Variants in TRAPPC12 observed in about 807,000 individuals in gnomAD.
The protein encoded by TRAPPC12 is trafficking protein particle complex subunit 12.
Under a neutral mutation model 69.2 loss-of-function variants are expected in TRAPPC12, and 61 were observed. The observed-to-expected ratio is 0.88, with a 90% CI of 0.72 to 1.09. TRAPPC12 has a LOEUF of 1.09. Among genes scored for constraint, TRAPPC12 ranks in the 50% least tolerant of loss-of-function variants. The pLI is 0.00. For synonymous variants in TRAPPC12, 469 were observed against 438.9 expected, an observed-to-expected ratio of 1.07 and a Z score of -0.86; for missense variants, 1,101 against 1,016.4, an observed-to-expected ratio of 1.08 and a Z score of -1.13.
At position 3,479,272 on chromosome 2, in the gene TRAPPC12, C is replaced by T. The variant is rs1572218135; in HGVS notation, c.2019C>T (p.Ser673=). 6.2e-7 allele frequency: 1 copy of T among 1,614,054 alleles called. No individual in the cohort carries two copies. Among genetic ancestry groups the T allele is most frequent in the Non-Finnish European group, 8.5e-7 (1 of 1,180,044 alleles). ...TCTACCTGGGCAAGCTCAAGGACTC[C>T]CTGCGGCAGCTGGAGGCCATGGTCC... ...CLLYLGKLKD[S]LRQLEAMVQQ... Residue 673 remains serine, a synonymous_variant, in exon 12 of 12, where the codon TCC becomes TCT. Coordinates refer to ENST00000324266, the MANE Select transcript of TRAPPC12 (RefSeq NM_016030.6).
In TRAPPC12 at chr2:3,452,048, A is replaced by G. The variant is rs1215926158; in HGVS notation, c.1531-5573A>G. On this transcript the variant is annotated intron_variant, in intron 6 of 11. Coordinates refer to ENST00000324266, the MANE Select transcript of TRAPPC12 (RefSeq NM_016030.6). ...TATTTCTGTGGGTCTCGAGTCCAGC[A>G]CAGCTTCTGGGTCGCACTGGCTCAG... Among the ~76,000 whole-genome samples the G allele has an allele frequency of 2.6e-5, 4 of 152,186 alleles. No homozygotes were observed. In the East Asian group the frequency reaches 7.7e-4, roughly 29 times the overall value.
In TRAPPC12 at chr2:3,383,871, G is replaced by GTTTTTTTT. The variant is rs34956958; in HGVS notation, c.-4-3715_-4-3708dup. Among the ~76,000 whole-genome samples the GTTTTTTTT allele has an allele frequency of 1.4e-3, 122 of 85,580 alleles. 10 individuals carry two copies. Among genetic ancestry groups the GTTTTTTTT allele is most frequent in the Non-Finnish European group, 2.2e-3 (94 of 42,892 alleles). The allele number at this position is 85,580 out of a possible 152,430, so 56.1% of individuals were successfully genotyped here. On this transcript the variant is annotated intron_variant, in intron 1 of 11. Transcript: ENST00000324266. ...TATTCCCTTGTGATAGTTCAGTCTTGTTTTTTTTTTTTTTTTTTTTTTTTT... is the reference window on the plus strand; with the variant it reads ...TATTCCCTTGTGATAGTTCAGTCTTGTTTTTTTTTTTTTTTTTTTTTTTTTTTTTTTTT...
chr2:3,466,688 G>A (rs1315724857), intron 9 of TRAPPC12, among the ~76,000 whole-genome samples: 1 of 152,172 alleles, frequency 6.6e-6, no homozygotes, highest in Admixed American at 6.5e-5. Context: ...TGGGACACCA[G>A]ATAGTGTTGG....
intron 9 of TRAPPC12, among the ~76,000 whole-genome samples, chr2:3,476,082 C>T (rs535700538): frequency 5.9e-5 from 9 of 152,318 alleles, no homozygotes; most frequent in African/African-American, 1.7e-4. Context: ...GGACTTCAAA[C>T]GGCTTCGGAC....
At chr2:3,465,875 A>AGGCC in intron 9 of TRAPPC12, 180 bp downstream of exon 9, 2 of 599,816 alleles carry the variant, frequency 3.3e-6, no homozygotes, top group Non-Finnish European at 5.9e-6. Flanking sequence ...TGACTGTGGG[A>AGGCC]GGCCCTGCTG....
intron 1 of TRAPPC12, among the ~76,000 whole-genome samples, chr2:3,386,419 A>G (rs1164270676): frequency 6.6e-6 from 1 of 152,128 alleles, no homozygotes; most frequent in Non-Finnish European, 1.5e-5. Flanking sequence ...TTCCCCACTC[A>G]CTAGCGGTGT....
chr2:3,443,351 C>T (rs562994019), intron 5 of TRAPPC12, among the ~76,000 whole-genome samples: 55 of 152,368 alleles, frequency 3.6e-4, no homozygotes, highest in Non-Finnish European at 5.4e-4. Context: ...GGCTGGCTTA[C>T]GGCTTCTCCC....
chr2:3,450,364 C>A (rs1664787076), intron 6 of TRAPPC12, among the ~76,000 whole-genome samples: 1 of 152,160 alleles, frequency 6.6e-6, no homozygotes, highest in African/African-American at 2.4e-5. Context: ...AGTGTATTTT[C>A]AAGGTATGAG....
At chr2:3,465,470 C>T in intron 8 of TRAPPC12, 127 bp from the exon 9 acceptor site, 1 of 668,356 alleles carries the variant, frequency 1.5e-6, no homozygotes, top group South Asian at 2.0e-5. Context: ...TCCAGCTTCC[C>T]CGCCAGCTCC....
intron 5 of TRAPPC12, among the ~76,000 whole-genome samples, chr2:3,429,756 A>C (rs1663323769): frequency 6.6e-6 from 1 of 152,240 alleles, no homozygotes; most frequent in Non-Finnish European, 1.5e-5. Flanking sequence ...GTACCTTATG[A>C]GAAAGTCTGT....
At chr2:3,402,899 T>C (rs1661526162) in intron 3 of TRAPPC12, among the ~76,000 whole-genome samples, 2 of 152,146 alleles carry the variant, frequency 1.3e-5, no homozygotes, top group South Asian at 4.1e-4. Context: ...AGAGTGGACT[T>C]AGCAAAGCCA....
intron 8 of TRAPPC12, chr2:3,460,572 A>T (rs1056001929): frequency 3.9e-5 from 18 of 465,610 alleles, no homozygotes; most frequent in Non-Finnish European, 6.0e-5. Context: ...TCATTATTGA[A>T]ATGTGGGTCT....
chr2:3,433,374 G>A (rs1334608317), intron 5 of TRAPPC12, among the ~76,000 whole-genome samples: 2 of 152,222 alleles, frequency 1.3e-5, no homozygotes, highest in African/African-American at 2.4e-5. Context: ...TGGGCAAAGG[G>A]TCTGGAAGGC....
rs1665772275 is a variant in TRAPPC12 at position 3,465,631 on chromosome 2, T to C, written c.1712T>C (p.Val571Ala). Residue 571 changes from valine (V) to alanine (A), a missense_variant, in exon 9 of 12, where the codon GTT (valine) becomes GCT (alanine). Val to Ala is a moderately conservative substitution (Grantham distance 64). Coordinates refer to ENST00000324266, the MANE Select transcript of TRAPPC12 (RefSeq NM_016030.6). ...CTGGCCGTGGAGGCGTATCATTCGGTTATCAAGTATTACCCAGAGCAAGAG... is the reference window on the plus strand; with the variant it reads ...CTGGCCGTGGAGGCGTATCATTCGGCTATCAAGTATTACCCAGAGCAAGAG... ...YVLAVEAYHS[V>A]IKYYPEQEPQ... 1 of 1,614,088 alleles carries C rather than the reference T, an allele frequency of 6.2e-7. No individual in the cohort carries two copies. The highest frequency in any genetic ancestry group is 8.5e-7 in the Non-Finnish European group (1 of 1,180,036).
intron 9 of TRAPPC12, among the ~76,000 whole-genome samples, chr2:3,468,291 C>T (rs763128144): frequency 6.6e-6 from 1 of 151,984 alleles, no homozygotes; most frequent in Non-Finnish European, 1.5e-5. Flanking sequence ...CTTCCCTCTT[C>T]CCCAAGGCAT....
In TRAPPC12 at chr2:3,478,909, A is replaced by G; in HGVS notation, c.1941A>G (p.Leu647=). ...CCCACAGGTTCTTCACAGAGATCTTAAGGATGGATCCAAGAAACGCAGTGG... is the reference window on the plus strand; with the variant it reads ...CCCACAGGTTCTTCACAGAGATCTTGAGGATGGATCCAAGAAACGCAGTGG... ...AEAHRFFTEI[L]RMDPRNAVAN... is the part of the protein sequence containing the mutation. Residue 647 remains leucine (L), a synonymous_variant, in exon 11 of 12, where the codon TTA becomes TTG. Transcript: ENST00000324266. 6.2e-7 allele frequency: 1 copy of G among 1,614,192 alleles called. No homozygotes were observed. The highest frequency in any genetic ancestry group is 8.5e-7 in the Non-Finnish European group (1 of 1,180,038).
chr2:3,410,537 C>A (rs1309323188), intron 3 of TRAPPC12, among the ~76,000 whole-genome samples: 1 of 152,108 alleles, frequency 6.6e-6, no homozygotes, highest in Non-Finnish European at 1.5e-5. Flanking sequence ...AAAGCCCTTG[C>A]AAATAATTTT....
At chr2:3,451,273 C>T (rs1370894688) in intron 6 of TRAPPC12, among the ~76,000 whole-genome samples, 1 of 152,228 alleles carries the variant, frequency 6.6e-6, no homozygotes, top group Non-Finnish European at 1.5e-5. Context: ...CTGTTCATCC[C>T]TGGACCGGCC....
At chr2:3,389,091 A>G (rs942851233) in intron 2 of TRAPPC12, 1 of 160,884 alleles carries the variant, frequency 6.2e-6, no homozygotes, top group African/African-American at 2.4e-5. Context: ...CGTGACCCAA[A>G]AAGTAACAAA....
Sources: allele counts gnomAD v4.1 joint callset (sites outside exome capture counted in the v4.1 genomes callset), GRCh38; gene constraint gnomAD v4.1.1; transcripts MANE v1.5; gene names NCBI Gene and HGNC (gene_info 2026-07-23, HGNC 2026-07-21).